The following ATP8B4 variants were observed in gnomAD, a reference collection of about 807,000 sequenced individuals.
ATP8B4 encodes ATPase phospholipid transporting 8B4 (putative).
ATP8B4 carries 133 observed loss-of-function variants against 145.6 expected under a neutral mutation model. The observed-to-expected ratio is 0.91, with a 90% CI of 0.79 to 1.05. The LOEUF (loss-of-function observed/expected upper bound fraction) is 1.05, where lower values mean the gene tolerates loss of function less well. Ranked by LOEUF, ATP8B4 falls within the 50% of genes least tolerant of loss-of-function variation. ATP8B4 has a pLI of 0.00. For missense variants in ATP8B4, 1,458 were observed against 1,425.2 expected, an observed-to-expected ratio of 1.02 and a Z score of -0.37; for synonymous variants, 507 against 492.9, an observed-to-expected ratio of 1.03 and a Z score of -0.38.
At chr15:50,122,377 C>T (rs910635139), upstream of ATP8B4, among the ~76,000 whole-genome samples, 7 of 152,258 alleles carry the variant, frequency 4.6e-5, no homozygotes, top group African/African-American at 1.7e-4. Context: ...TGAGGAGATT[C>T]TGCAATTTAA....
chr15:50,106,860 T>C (rs980392556), intron 2 of ATP8B4, 79 bp downstream of exon 2: 6 of 1,405,568 alleles, frequency 4.3e-6, no homozygotes, highest in Non-Finnish European at 5.8e-6. Flanking sequence ...TTTTTATATA[T>C]AAATTAAACT....
intron 1 of ATP8B4, among the ~76,000 whole-genome samples, chr15:50,178,428 T>C (rs995364405): frequency 1.1e-4 from 16 of 152,260 alleles, no homozygotes; most frequent in African/African-American, 3.9e-4. Flanking sequence ...AAACAATTTC[T>C]ATATGGTATA....
chr15:50,013,430 C>T (rs949575789), intron 6 of ATP8B4, among the ~76,000 whole-genome samples: 1 of 151,950 alleles, frequency 6.6e-6, no homozygotes, highest in Non-Finnish European at 1.5e-5. Context: ...AGATGAATTG[C>T]AGTATATGAA....
At chr15:49,924,164 A>C (rs952703484) in intron 16 of ATP8B4, among the ~76,000 whole-genome samples, 3 of 152,118 alleles carry the variant, frequency 2.0e-5, no homozygotes, top group Non-Finnish European at 2.9e-5. Context: ...TGAGACTGAC[A>C]GCCCTTCCTA....
rs79159199 is a variant in ATP8B4 at position 49,866,558 on chromosome 15, G to A, written c.3028-74C>T. On this transcript the variant is annotated intron_variant, in intron 25 of 27. Transcript: ENST00000284509. Reference sequence around the variant, plus strand: ...GCATCATTTTACCTCGTGATGTTTCGCGAGAACTGCCCTGTGGCAGGAAGT... The same window carrying A: ...GCATCATTTTACCTCGTGATGTTTCACGAGAACTGCCCTGTGGCAGGAAGT... The A allele has an allele frequency of 5.3e-3, 8,145 of 1,546,500 alleles. 51 individuals are homozygous for A. Among genetic ancestry groups the A allele is most frequent in the Middle Eastern group, 0.029 (171 of 5,820 alleles).
At chr15:49,995,885 A>G (rs1376191610) in intron 9 of ATP8B4, among the ~76,000 whole-genome samples, 1 of 152,104 alleles carries the variant, frequency 6.6e-6, no homozygotes, top group African/African-American at 2.4e-5. Context: ...GCAGCCTATT[A>G]TGGTGCCTAA....
chr15:50,052,774 G>A (rs916957441), intron 3 of ATP8B4, among the ~76,000 whole-genome samples: 1 of 152,162 alleles, frequency 6.6e-6, no homozygotes, highest in African/African-American at 2.4e-5. Context: ...AGGCTGGACT[G>A]CAGAGATCAG....
chr15:49,917,869 T>C (rs1287677224), intron 19 of ATP8B4, among the ~76,000 whole-genome samples: 2 of 152,154 alleles, frequency 1.3e-5, no homozygotes, highest in African/African-American at 2.4e-5. Flanking sequence ...AGTAAACTCA[T>C]GGATATTAGT....
Position 49,979,768 on chromosome 15 carries a change from T to C in ATP8B4, c.883A>G (p.Asn295Asp). 6.2e-7 allele frequency: 1 copy of C among 1,608,572 alleles called. No homozygotes were observed. The highest frequency in any genetic ancestry group is 8.5e-7 in the Non-Finnish European group (1 of 1,176,688). ...ICLGIILAIG[N>D]SIWESQTGDQ... ...CCAGTTTGACTCTCCCAGATTGAAT[T>C]TCCTATTGCAAGAATAATTCCCAAG... is the stretch of plus-strand genomic sequence containing the variant. The change falls in exon 12 of 28, where the codon AAT becomes GAT. Residue 295 changes from asparagine to aspartate, a missense_variant. Transcript: ENST00000284509.
chr15:49,982,069 A>G lies in ATP8B4; in HGVS notation c.749-775T>C, dbSNP rs76085667. ...AGCAATTAAGTTTTAATTAAAGCTA[A>G]TTTCTCCAGTGTTTCCTCTTCACAT... is the stretch of plus-strand genomic sequence containing the variant. On this transcript the variant is annotated intron_variant, in intron 10 of 27. Transcript: ENST00000284509. 7.8e-3 allele frequency among the ~76,000 whole-genome samples: 1,193 copies of G among 152,268 alleles called. 20 individuals are homozygous for G. The highest frequency in any genetic ancestry group is 0.027 in the African/African-American group (1,134 of 41,546).
At chr15:50,148,654 T>A (rs1025493173) in intron 1 of ATP8B4, among the ~76,000 whole-genome samples, 7 of 152,144 alleles carry the variant, frequency 4.6e-5, no homozygotes, top group African/African-American at 1.4e-4. Flanking sequence ...TCCAAAACTA[T>A]GAAAAAATAA....
rs371318219 is a variant in ATP8B4 at position 50,073,027 on chromosome 15, C to T, written c.87+1100G>A. Reference sequence around the variant, plus strand: ...ATATATATATATATATATACACACACACACACACACACACACACACACACA... The same window carrying T: ...ATATATATATATATATATACACACATACACACACACACACACACACACACA... On this transcript the variant is annotated intron_variant, in intron 3 of 27. Coordinates refer to ENST00000284509, the MANE Select transcript of ATP8B4 (RefSeq NM_024837.4). Among the ~76,000 whole-genome samples, 823 of 89,328 alleles carry T rather than the reference C, an allele frequency of 9.2e-3. 5 individuals are homozygous for T. The highest frequency in any genetic ancestry group is 0.012 in the Non-Finnish European group (544 of 46,582). 58.6% of individuals were successfully genotyped at this position (89,328 alleles called of 152,430 possible).
intron 6 of ATP8B4, among the ~76,000 whole-genome samples, chr15:50,018,174 G>T (rs1217521059): frequency 1.3e-5 from 2 of 152,000 alleles, no homozygotes; most frequent in Non-Finnish European, 2.9e-5. Context: ...TTTTAGTAGA[G>T]ACAGCGTTTC....
chr15:49,923,472 T>C lies in ATP8B4; in HGVS notation c.1665A>G (p.Ile555Met), dbSNP rs2040440184. The change falls in exon 17 of 28, where the codon ATA becomes ATG. Residue 555 changes from isoleucine to methionine, a missense_variant. Transcript: ENST00000284509. ...TATCTGCTCCTTTGGAATAAAGCTT[T>C]ATCTGTCCTTCTGGGTTTCGAACTG... is the stretch of plus-strand genomic sequence containing the variant. The part of the protein sequence containing the change: ...SVIVRNPEGQ[I>M]KLYSKGADTI... 6.2e-7 allele frequency: 1 copy of C among 1,609,468 alleles called. No individual in the cohort carries two copies. Among genetic ancestry groups the C allele is most frequent in the Non-Finnish European group, 8.5e-7 (1 of 1,178,376 alleles).
At chr15:50,181,622 C>T (rs1305148990) in intron 1 of ATP8B4, among the ~76,000 whole-genome samples, 1 of 152,200 alleles carries the variant, frequency 6.6e-6, no homozygotes, top group African/African-American at 2.4e-5. Flanking sequence ...AGTGTCCTGC[C>T]CTCACTCACC....
chr15:50,086,221 T>TATATATAATAAAATAATATAGAGATCTA (rs2055043522), intron 2 of ATP8B4, among the ~76,000 whole-genome samples: 1 of 101,884 alleles, frequency 9.8e-6, no homozygotes, highest in African/African-American at 4.9e-5. Flanking sequence ...AGATCTATAT[T>TATATATAATAAAATAATATAGAGATCTA]TATTATATAT....
intron 23 of ATP8B4, chr15:49,895,141 G>A (rs2153426268): frequency 6.6e-6 from 1 of 152,354 alleles, no homozygotes; most frequent in East Asian, 1.9e-4. Flanking sequence ...AATTCAACTG[G>A]GGGAGATCAG....
intron 2 of ATP8B4, among the ~76,000 whole-genome samples, chr15:50,087,362 T>TAA (rs34822858): frequency 0.38 from 52,659 of 138,364 alleles, 11,193 homozygotes; most frequent in East Asian, 0.69. Context: ...ATATTATATA[T>TAA]AATAAAATAA....
chr15:50,027,379 G>GGA (rs2050086017), intron 6 of ATP8B4, among the ~76,000 whole-genome samples: 5 of 148,912 alleles, frequency 3.4e-5, no homozygotes, highest in Admixed American at 3.3e-4. Flanking sequence ...GGATGGATGG[G>GGA]TGGATGGATG....
Sources: gnomAD v4.1 joint callset for allele counts (sites outside exome capture counted in the v4.1 genomes callset) on GRCh38, gnomAD v4.1.1 for gene constraint, MANE v1.5 for transcripts, NCBI Gene and HGNC (gene_info 2026-07-23, HGNC 2026-07-21) for gene names.